Variants in WNK3 observed in about 807,000 individuals in gnomAD.
WNK3 encodes serine/threonine-protein kinase WNK3.
Under a neutral mutation model 116.7 loss-of-function variants are expected in WNK3, and 18 were observed. The observed-to-expected ratio is 0.15, with a 90% CI of 0.11 to 0.23. The LOEUF (loss-of-function observed/expected upper bound fraction) is 0.23, where lower values mean the gene tolerates loss of function less well. Among genes scored for constraint, WNK3 ranks in the 10% least tolerant of loss-of-function variants. The probability of loss-of-function intolerance (pLI) is 1.00; values close to 1 mark genes in which losing one functional copy is unlikely to be tolerated. For synonymous variants in WNK3, 404 were observed against 469.4 expected, an observed-to-expected ratio of 0.86 and a Z score of 1.80; for missense variants, 993 against 1,323.8, an observed-to-expected ratio of 0.75 and a Z score of 3.88.
intron 22 of WNK3, among the ~76,000 whole-genome samples, chrX:54,222,721 A>G (rs2067778518): frequency 9.3e-6 from 1 of 106,983 alleles, no homozygotes. Context: ...TACTAAAAAT[A>G]CAAAAATTAG....
intron 22 of WNK3, among the ~76,000 whole-genome samples, chrX:54,224,639 G>A (rs2067811477): frequency 9.6e-6 from 1 of 104,292 alleles, no homozygotes; most frequent in South Asian, 4.3e-4. Context: ...GCAAGATCTC[G>A]GCTCACTGCA....
chrX:54,286,472 T>C (rs2068581998), intron 10 of WNK3, among the ~76,000 whole-genome samples: 1 of 111,277 alleles, frequency 9.0e-6, no homozygotes, highest in Admixed American at 9.7e-5. Flanking sequence ...CACTAGAAAA[T>C]AACTCATACA....
chrX:54,226,296 C>G (rs1383718858), intron 22 of WNK3, among the ~76,000 whole-genome samples: 1 of 105,622 alleles, frequency 9.5e-6, no homozygotes, highest in Non-Finnish European at 1.9e-5. Context: ...ATGGCGAAAC[C>G]CTGTCTCTAC....
At chrX:54,276,168 C>T (rs1557160750) in intron 10 of WNK3, among the ~76,000 whole-genome samples, 2 of 110,155 alleles carry the variant, frequency 1.8e-5, no homozygotes, top group South Asian at 3.9e-4. Context: ...GGCAGAAACT[C>T]GTCTCTACTA....
intron 2 of WNK3, among the ~76,000 whole-genome samples, chrX:54,319,617 T>G (rs1203264188): frequency 8.9e-6 from 1 of 112,346 alleles, no homozygotes; most frequent in Admixed American, 9.5e-5. Flanking sequence ...TACAACTGTT[T>G]TCCCAGATAT....
At chrX:54,314,199 A>C (rs1450453404) in intron 2 of WNK3, among the ~76,000 whole-genome samples, 5 of 107,602 alleles carry the variant, frequency 4.6e-5, no homozygotes, top group African/African-American at 1.4e-4. Context: ...TCTCAAAAAA[A>C]AAAACAAAAA....
intron 23 of WNK3, among the ~76,000 whole-genome samples, chrX:54,199,871 G>A (rs782099368): frequency 1.4e-4 from 16 of 111,635 alleles, no homozygotes; most frequent in Non-Finnish European, 7.5e-5. Flanking sequence ...AAAAAATACA[G>A]ATGAAGTTCC....
intron 6 of WNK3, among the ~76,000 whole-genome samples, chrX:54,300,048 T>C (rs999040166): frequency 2.7e-5 from 3 of 110,423 alleles, no homozygotes; most frequent in African/African-American, 9.9e-5. Context: ...CTTGTAGAGA[T>C]GGGGTTTCGT....
chrX:54,244,546 A>C (rs1557152333), intron 17 of WNK3, among the ~76,000 whole-genome samples: 2 of 112,178 alleles, frequency 1.8e-5, no homozygotes, highest in African/African-American at 3.2e-5. Flanking sequence ...GGAAAACAAA[A>C]ACTCAGGACC....
rs1429343755 is a variant in WNK3, at chrX:54,333,803, G to T, written c.-119-11C>A. ...TATTTCCATAGCAACCTGAAGGGGG[G>T]GAAAAAGATATTTTAAAATCACCCT... On this transcript the variant is annotated splice_polypyrimidine_tract_variant and intron_variant, in intron 1 of 23. Transcript: ENST00000354646. 2.0e-5 allele frequency: 9 copies of T among 449,103 alleles called. No homozygotes were observed. The highest frequency in any genetic ancestry group is 3.3e-5 in the Non-Finnish European group (9 of 273,037). The allele number at this position is 449,103 out of a possible 1,213,427, so 37.0% of individuals were successfully genotyped here. A position where few individuals can be genotyped will look rare whatever the true frequency, so the allele number is the denominator to read the frequency against.
At position 54,217,369 on chromosome X, in the gene WNK3, C is replaced by T. The variant is rs1012566569; in HGVS notation, c.4870+11345G>A. Among the ~76,000 whole-genome samples, 4 of 82,931 alleles carry T rather than the reference C, an allele frequency of 4.8e-5. No individual in the cohort carries two copies. In the Admixed American group the frequency reaches 5.7e-4, roughly 12 times the overall value. The allele number at this position is 82,931 out of a possible 115,157, so 72.0% of individuals were successfully genotyped here. ...GTGGGCCAGGCGCGGTGGCTCACAC[C>T]TGTAATCCCAGCACTTTGGGGCGGG... On this transcript the variant is annotated intron_variant, in intron 22 of 23. Coordinates refer to ENST00000354646, the Ensembl canonical transcript of WNK3.
At chrX:54,293,312 T>C (rs1557165573) in exon 9 of WNK3, 1 of 1,189,187 alleles carries the variant, frequency 8.4e-7, no homozygotes, top group Non-Finnish European at 1.1e-6. Context: ...AGCTCCTGCC[T>C]CAGACAAATT....
chrX:54,254,413 T>A (rs2068168484), intron 12 of WNK3, among the ~76,000 whole-genome samples: 1 of 112,467 alleles, frequency 8.9e-6, no homozygotes, highest in South Asian at 3.6e-4. Flanking sequence ...TATCTTAATC[T>A]ATAAATTGAC....
intron 22 of WNK3, among the ~76,000 whole-genome samples, chrX:54,213,775 T>C (rs375326900): frequency 9.2e-6 from 1 of 108,797 alleles, no homozygotes; most frequent in South Asian, 3.8e-4. Context: ...AGAAGACAAA[T>C]TAAATATCAG....
chrX:54,213,904 G>A (rs1489766100), intron 22 of WNK3, among the ~76,000 whole-genome samples: 3 of 110,580 alleles, frequency 2.7e-5, no homozygotes, highest in East Asian at 2.8e-4. Flanking sequence ...ACAAACTACC[G>A]AAACTCACCC....
chrX:54,249,259 T>C lies in WNK3; in HGVS notation c.3089A>G (p.Asn1030Ser), dbSNP rs2068103930. Reference sequence around the variant, plus strand: ...ATCAAATGCCAGAGTTGTAAGAGAGTTACCAGAAGTCTGAGTTGATTCGCC... The same window carrying C: ...ATCAAATGCCAGAGTTGTAAGAGAGCTACCAGAAGTCTGAGTTGATTCGCC... The change falls in exon 17 of 24, where the codon AAC (asparagine) becomes AGC (serine). Residue 1030 changes from asparagine (N) to serine (S), a missense_variant. Physicochemically the swap from Asn to Ser is conservative, Grantham distance 46 (BLOSUM62 1). This residue lies in a region of WNK3 where 836 missense variants were observed against 976.5 expected (regional missense o/e 0.86). Coordinates refer to ENST00000354646, the Ensembl canonical transcript of WNK3. 5 of 1,210,199 alleles carry C rather than the reference T, an allele frequency of 4.1e-6. No homozygotes were observed. In the Admixed American group the frequency reaches 8.8e-5, roughly 21 times the overall value.
chrX:54,243,356 G>C (rs2068042874), intron 17 of WNK3, among the ~76,000 whole-genome samples: 1 of 101,709 alleles, frequency 9.8e-6, no homozygotes, highest in African/African-American at 3.7e-5. Flanking sequence ...GGGAGGCGGA[G>C]CTTGCAGTGA....
intron 10 of WNK3, among the ~76,000 whole-genome samples, chrX:54,270,677 T>C (rs782345786): frequency 3.1e-4 from 34 of 109,485 alleles, no homozygotes; most frequent in Non-Finnish European, 4.9e-4. Context: ...CAACCCGTCA[T>C]CTAGGTTTTA....
At chrX:54,308,159 A>T (rs1431873093) in intron 4 of WNK3, 80 bp from the exon 5 acceptor site, 2 of 861,982 alleles carry the variant, frequency 2.3e-6, no homozygotes, top group Non-Finnish European at 3.2e-6. Context: ...TCCTATAAGG[A>T]TTATCTGTGT....
Sources: allele counts gnomAD v4.1 joint callset (sites outside exome capture counted in the v4.1 genomes callset), GRCh38; gene constraint gnomAD v4.1.1; regional missense constraint gnomAD v4.1.1; transcripts MANE v1.5; gene names NCBI Gene and HGNC (gene_info 2026-07-23, HGNC 2026-07-21).